ADSS2: variants seen among roughly 807,000 people sequenced by gnomAD.
The protein encoded by ADSS2 is adenylosuccinate synthetase isozyme 2.
In ADSS2, 30 loss-of-function variants were observed where a neutral mutation model predicts 60.0. The observed-to-expected ratio is 0.50, with a 90% CI of 0.37 to 0.68. The LOEUF is 0.68. Ranked by LOEUF, ADSS2 falls within the 30% of genes least tolerant of loss-of-function variation. The pLI, the probability that ADSS2 is intolerant of heterozygous loss-of-function variation, is 0.00. For synonymous variants in ADSS2, 187 were observed against 193.1 expected, an observed-to-expected ratio of 0.97 and a Z score of 0.26; for missense variants, 373 against 554.8, an observed-to-expected ratio of 0.67 and a Z score of 3.29.
intron 1 of ADSS2, among the ~76,000 whole-genome samples, chr1:244,444,913 T>C (rs1002286378): frequency 6.6e-6 from 1 of 152,188 alleles, no homozygotes; most frequent in Non-Finnish European, 1.5e-5. Context: ...AGGTTAGTTA[T>C]AGCTTTTGTA....
chr1:244,447,030 G>A (rs1665408670), intron 1 of ADSS2, among the ~76,000 whole-genome samples: 1 of 152,132 alleles, frequency 6.6e-6, no homozygotes, highest in Non-Finnish European at 1.5e-5. Flanking sequence ...TTGGTTCAAT[G>A]TAAAGAACTA....
At chr1:244,436,628 T>C (rs1377255551) in intron 3 of ADSS2, among the ~76,000 whole-genome samples, 197 bp downstream of exon 3, 2 of 152,204 alleles carry the variant, frequency 1.3e-5, no homozygotes, top group Admixed American at 1.3e-4. Flanking sequence ...CAGGACTTAA[T>C]ACAATGACAT....
intron 4 of ADSS2, among the ~76,000 whole-genome samples, chr1:244,426,418 A>T (rs1451041462): frequency 6.6e-6 from 1 of 152,140 alleles, no homozygotes; most frequent in Non-Finnish European, 1.5e-5. Flanking sequence ...CAATTACTGT[A>T]ATCAGAATAA....
chr1:244,425,544 C>CT (rs1356590601), intron 4 of ADSS2, among the ~76,000 whole-genome samples: 1 of 152,128 alleles, frequency 6.6e-6, no homozygotes, highest in Non-Finnish European at 1.5e-5. Flanking sequence ...CTAGAAAAGT[C>CT]TGATAACCCA....
chr1:244,437,642 A>G (rs760034239), intron 2 of ADSS2, 24 bp downstream of exon 2: 2 of 1,468,850 alleles, frequency 1.4e-6, no homozygotes, highest in South Asian at 1.1e-5. Flanking sequence ...GGGAATCTCC[A>G]TGCAGTTCAG....
chr1:244,416,456 T>C (rs1369155777), intron 10 of ADSS2, among the ~76,000 whole-genome samples: 1 of 152,188 alleles, frequency 6.6e-6, no homozygotes, highest in East Asian at 1.9e-4. Flanking sequence ...TACCTGGGAC[T>C]ACAGGCGTGT....
In ADSS2 at chr1:244,416,032, T is replaced by C. The variant is rs781237785; in HGVS notation, c.1117A>G (p.Lys373Glu). ...TCTAACTTGTAAGCAACTCCAACTT[T>C]GATTTCCGTAAACATGTCCAAAATA... ...LDILDMFTEI[K>E]VGVAYKLDGE... Residue 373 changes from lysine to glutamate, a missense_variant, in exon 11 of 13, where the codon AAA (lysine) becomes GAA (glutamate). Coordinates refer to ENST00000366535, the MANE Select transcript of ADSS2 (RefSeq NM_001126.5). 1.9e-6 allele frequency: 3 copies of C among 1,613,820 alleles called. No homozygotes were observed. The African/African-American group carries it at 4.0e-5, about 22-fold the overall frequency.
intron 4 of ADSS2, 45 bp downstream of exon 4, chr1:244,432,500 C>T (rs774252088): frequency 7.5e-7 from 1 of 1,341,486 alleles, no homozygotes; most frequent in Non-Finnish European, 1.0e-6. Context: ...TGATAAATTT[C>T]AGATAAAAAG....
intron 1 of ADSS2, among the ~76,000 whole-genome samples, chr1:244,442,671 C>T (rs1266301245): frequency 6.6e-6 from 1 of 152,110 alleles, no homozygotes; most frequent in Non-Finnish European, 1.5e-5. Flanking sequence ...GAAGGGTCTT[C>T]AGGAGAACTG....
intron 1 of ADSS2, among the ~76,000 whole-genome samples, chr1:244,439,113 T>C (rs1665173356): frequency 6.6e-6 from 1 of 152,170 alleles, no homozygotes; most frequent in Non-Finnish European, 1.5e-5. Flanking sequence ...CTGTTTTAAT[T>C]TTTAGCTCCC....
intron 10 of ADSS2, among the ~76,000 whole-genome samples, chr1:244,417,023 AT>A (rs1292975012): frequency 6.6e-5 from 10 of 152,210 alleles, no homozygotes; most frequent in Admixed American, 3.9e-4. Context: ...ATATGAATAC[AT>A]TTATTTACCT....
chr1:244,410,868 C>T (rs1664395501), intron 12 of ADSS2, among the ~76,000 whole-genome samples: 2 of 152,130 alleles, frequency 1.3e-5, no homozygotes, highest in Admixed American at 6.5e-5. Context: ...AAATCATGTG[C>T]ACTCTGTAAA....
intron 3 of ADSS2, among the ~76,000 whole-genome samples, chr1:244,434,322 C>T (rs971205830): frequency 6.6e-6 from 1 of 151,396 alleles, no homozygotes; most frequent in Non-Finnish European, 1.5e-5. Context: ...CACTGCACTC[C>T]AGCATAGACG....
chr1:244,451,635 C>T lies in ADSS2; in HGVS notation c.183G>A (p.Gln61=). The T allele has an allele frequency of 6.2e-7, 1 of 1,608,642 alleles. No homozygotes were observed. The change falls in exon 1 of 13, where the codon CAG becomes CAA. Residue 61 remains glutamine (Q), a splice_region_variant and synonymous_variant. Coordinates refer to ENST00000366535, the MANE Select transcript of ADSS2 (RefSeq NM_001126.5). The surrounding 1 kb of genome is among the most constrained non-coding windows in gnomAD (Gnocchi z 6.6). The stretch of plus-strand genomic sequence containing the variant: ...CCCATGAGAGGCCCCGTCGCCTCAC[C>T]TGGCAGCGGCACACGATGTCGGCGT... The part of the protein sequence containing the change: ...AQDADIVCRC[Q]GGNNAGHTVV...
intron 4 of ADSS2, among the ~76,000 whole-genome samples, chr1:244,429,099 G>A (rs1387023433): frequency 4.6e-5 from 7 of 152,188 alleles, no homozygotes; most frequent in Admixed American, 3.3e-4. Context: ...GCTGTTGGGT[G>A]TATACATATA....
chr1:244,435,648 TTCC>T (rs1330983206), intron 3 of ADSS2, among the ~76,000 whole-genome samples: 1 of 152,016 alleles, frequency 6.6e-6, no homozygotes, highest in Admixed American at 6.6e-5. Flanking sequence ...CATCCTTCTC[TTCC>T]TCCTCCATCC....
chr1:244,410,979 A>C (rs550229662), intron 12 of ADSS2, among the ~76,000 whole-genome samples: 11 of 152,304 alleles, frequency 7.2e-5, no homozygotes, highest in Admixed American at 7.2e-4. Context: ...TAATCCCAGC[A>C]CTTTGGGAGG....
At chr1:244,440,374 G>A (rs1468596364) in intron 1 of ADSS2, among the ~76,000 whole-genome samples, 2 of 152,008 alleles carry the variant, frequency 1.3e-5, no homozygotes, top group Admixed American at 6.6e-5. Context: ...CTATTTACAC[G>A]GTGTTTTGCA....
chr1:244,408,634 CT>C lies in ADSS2; in HGVS notation c.*951del, dbSNP rs61084783. The C allele has an allele frequency of 1.4e-3, 201 of 148,124 alleles. 1 individual carries two copies. Among genetic ancestry groups the C allele is most frequent in the African/African-American group, 2.5e-3 (102 of 40,422 alleles). The allele number at this position is 148,124 out of a possible 1,614,324, so 9.2% of individuals were successfully genotyped here. On this transcript the variant is annotated 3_prime_UTR_variant, in exon 13 of 13. Transcript: ENST00000366535. Reference sequence around the variant, plus strand: ...TTATGCCTAATTGTCAAAATAACACCTTTTTTTTTTCAAGAAAGGAGAAATA... The same window carrying C: ...TTATGCCTAATTGTCAAAATAACACCTTTTTTTTTCAAGAAAGGAGAAATA...
Sources: allele counts gnomAD v4.1 joint callset (sites outside exome capture counted in the v4.1 genomes callset), GRCh38; gene constraint gnomAD v4.1.1; non-coding constraint Gnocchi (gnomAD v3.1); transcripts MANE v1.5; gene names NCBI Gene and HGNC (gene_info 2026-07-23, HGNC 2026-07-21).